Variants in PRKG1 observed in about 807,000 individuals in gnomAD.
PRKG1 encodes cGMP-dependent protein kinase 1.
A neutral mutation model predicts 88.1 loss-of-function variants in PRKG1; 35 were observed. The observed-to-expected ratio is 0.40, with a 90% CI of 0.30 to 0.53. The LOEUF (loss-of-function observed/expected upper bound fraction) is 0.53, where lower values mean the gene tolerates loss of function less well. Ranked by LOEUF, PRKG1 falls within the 20% of genes least tolerant of loss-of-function variation. PRKG1 has a pLI of 0.59. For missense variants in PRKG1, 540 were observed against 839.8 expected, an observed-to-expected ratio of 0.64 and a Z score of 4.41; for synonymous variants, 303 against 292.5, an observed-to-expected ratio of 1.04 and a Z score of -0.37.
intron 17 of PRKG1, among the ~76,000 whole-genome samples, chr10:52,291,562 G>A (rs1351023494): frequency 1.3e-5 from 2 of 151,762 alleles, no homozygotes; most frequent in East Asian, 1.9e-4. Flanking sequence ...TTTCATCCAC[G>A]TCCCTACAAA....
In PRKG1 at chr10:52,290,277, C is replaced by T. The variant is rs774454923; in HGVS notation, c.1949C>T (p.Pro650Leu). 5.0e-6 allele frequency: 8 copies of T among 1,611,180 alleles called. 1 individual carries two copies. In the South Asian group the frequency reaches 5.5e-5, roughly 11 times the overall value. ...TTAAGAAAAGGTACCTTGACACCTC[C>T]TATAATACCAAGTGTAAGTAGACTT... Reference protein sequence around the residue: ...EGLRKGTLTPPIIPSVASPTD... With the variant: ...EGLRKGTLTPLIIPSVASPTD... Residue 650 changes from proline (P) to leucine (L), a missense_variant, in exon 17 of 18, where the codon CCT becomes CTT. By Grantham distance (98) the Pro-to-Leu change is moderately conservative. Transcript: ENST00000373980.
intron 9 of PRKG1, among the ~76,000 whole-genome samples, chr10:52,191,456 C>T (rs1839363314): frequency 6.6e-6 from 1 of 152,114 alleles, no homozygotes; most frequent in South Asian, 2.1e-4. Flanking sequence ...GCATGAGCCA[C>T]TGAACATGGC....
intron 3 of PRKG1, among the ~76,000 whole-genome samples, chr10:51,743,737 A>AATATATATATATATATATATATAT (rs369411662): frequency 5.0e-5 from 2 of 40,372 alleles, no homozygotes; most frequent in African/African-American, 1.7e-4. Flanking sequence ...ATATAAACTA[A>AATATATATATATATATATATATAT]ATATATATAT....
intron 2 of PRKG1, among the ~76,000 whole-genome samples, chr10:51,255,997 G>A (rs1329271635): frequency 1.3e-5 from 2 of 152,100 alleles, no homozygotes; most frequent in Admixed American, 6.6e-5. Flanking sequence ...GATCCATTTA[G>A]TCCAGTGTTA....
intron 2 of PRKG1, among the ~76,000 whole-genome samples, chr10:51,464,148 C>T (rs987667476): frequency 1.3e-5 from 2 of 151,992 alleles, no homozygotes; most frequent in African/African-American, 4.8e-5. Flanking sequence ...GGCATGGTGG[C>T]ATGTGCCTGT....
chr10:51,394,706 T>C (rs1265212103), intron 2 of PRKG1, among the ~76,000 whole-genome samples: 1 of 152,228 alleles, frequency 6.6e-6, no homozygotes, highest in Non-Finnish European at 1.5e-5. Context: ...GCTTTACTTG[T>C]ATCAATTAAC....
At chr10:52,106,744 T>A (rs867672408) in intron 7 of PRKG1, among the ~76,000 whole-genome samples, 4 of 133,446 alleles carry the variant, frequency 3.0e-5, no homozygotes, top group African/African-American at 1.1e-4. Context: ...ATAATAATAA[T>A]AATAAAGTAA....
intron 4 of PRKG1, among the ~76,000 whole-genome samples, chr10:51,806,347 T>C (rs1011810955): frequency 1.3e-5 from 2 of 152,212 alleles, no homozygotes; most frequent in Non-Finnish European, 2.9e-5. Flanking sequence ...CTCTTTCTGG[T>C]AGCACTATTT....
chr10:52,285,688 T>G (rs756957926), intron 14 of PRKG1, among the ~76,000 whole-genome samples: 6 of 152,108 alleles, frequency 3.9e-5, no homozygotes, highest in Non-Finnish European at 7.4e-5. Flanking sequence ...TAAACTCTTA[T>G]CTATAATTTC....
chr10:52,157,317 A>ATATATATATATATATATATATATATATG, intron 8 of PRKG1, among the ~76,000 whole-genome samples: 1 of 43,594 alleles, frequency 2.3e-5, no homozygotes, highest in South Asian at 6.8e-4. Context: ...ATATATATAT[A>ATATATATATATATATATATATATATATG]TATATATATA....
chr10:51,518,649 T>C (rs1383199942), intron 3 of PRKG1, among the ~76,000 whole-genome samples: 1 of 152,142 alleles, frequency 6.6e-6, no homozygotes, highest in Non-Finnish European at 1.5e-5. Flanking sequence ...GGACCTGAAG[T>C]AGGGCAATGA....
intron 3 of PRKG1, among the ~76,000 whole-genome samples, chr10:51,625,720 AT>A (rs1312062990): frequency 6.7e-6 from 1 of 148,622 alleles, no homozygotes; most frequent in Non-Finnish European, 1.5e-5. Flanking sequence ...AACTGTTAAG[AT>A]TTAAAAAAAA....
At chr10:52,240,588 C>G (rs996568308) in intron 9 of PRKG1, among the ~76,000 whole-genome samples, 1 of 152,096 alleles carries the variant, frequency 6.6e-6, no homozygotes, top group African/African-American at 2.4e-5. Context: ...CATCATAGAA[C>G]AATGCCAAAT....
intron 4 of PRKG1, among the ~76,000 whole-genome samples, chr10:51,856,587 C>T (rs1003179896): frequency 6.6e-6 from 1 of 152,064 alleles, no homozygotes; most frequent in Non-Finnish European, 1.5e-5. Flanking sequence ...TATAAGAGAA[C>T]CCACTTCATA....
chr10:52,133,740 G>A (rs1360926165), intron 7 of PRKG1, 100 bp from the exon 8 acceptor site: 14 of 963,396 alleles, frequency 1.5e-5, no homozygotes, highest in Non-Finnish European at 2.2e-5. Context: ...TAAATCAGAA[G>A]AGTTTATATA....
intron 5 of PRKG1, among the ~76,000 whole-genome samples, chr10:52,017,554 T>A (rs561885100): frequency 2.5e-4 from 38 of 152,198 alleles, no homozygotes; most frequent in African/African-American, 8.9e-4. Flanking sequence ...GGTTTTGAGG[T>A]AGATGGTAGG....
intron 1 of PRKG1, among the ~76,000 whole-genome samples, chr10:51,047,617 CAAAA>C (rs142049774): frequency 5.6e-5 from 7 of 125,904 alleles, no homozygotes; most frequent in Non-Finnish European, 6.8e-5. Context: ...TTATTATTTC[CAAAA>C]AAAAAAAAAA....
chr10:51,198,402 C>A (rs1837827049), intron 2 of PRKG1, among the ~76,000 whole-genome samples: 1 of 152,166 alleles, frequency 6.6e-6, no homozygotes, highest in Non-Finnish European at 1.5e-5. Flanking sequence ...AAACTTCTGG[C>A]AGTCTTCCAT....
intron 1 of PRKG1, among the ~76,000 whole-genome samples, chr10:51,118,511 CA>C (rs766279828): frequency 1.3e-5 from 2 of 152,110 alleles, no homozygotes; most frequent in Admixed American, 6.6e-5. Context: ...ATTATCATTA[CA>C]GAAAGCTTTC....
Sources: allele counts gnomAD v4.1 joint callset (sites outside exome capture counted in the v4.1 genomes callset), GRCh38; gene constraint gnomAD v4.1.1; transcripts MANE v1.5; gene names NCBI Gene and HGNC (gene_info 2026-07-23, HGNC 2026-07-21).